DHX57: variants seen among roughly 807,000 people sequenced by gnomAD.
The protein encoded by DHX57 is DExH-box helicase 57, also known as putative ATP-dependent RNA helicase DHX57.
In DHX57, 105 loss-of-function variants were observed where a neutral mutation model predicts 156.2. That is an observed-to-expected ratio of 0.67 (90% CI 0.57 to 0.79). The LOEUF is 0.79. DHX57 is among the 30% of genes least tolerant of loss of function. The probability of loss-of-function intolerance (pLI) is 0.00; values close to 1 mark genes in which losing one functional copy is unlikely to be tolerated. For synonymous variants in DHX57, 704 were observed against 595.6 expected (o/e 1.18, Z -2.65); for missense variants, 1,847 against 1,661.9 (o/e 1.11, Z -1.94).
Position 38,816,357 on chromosome 2 carries a change from G to A in DHX57, c.3472-702C>T, listed in dbSNP as rs1203832714. On this transcript the variant is annotated intron_variant, in intron 19 of 23. Coordinates refer to ENST00000457308, the MANE Select transcript of DHX57 (RefSeq NM_198963.3). ...AACCTCCCGAGTAGCTGGGGCTACAGGTGTGTGCCACCACGCCCAGCCAAT... is the reference window on the plus strand; with the variant it reads ...AACCTCCCGAGTAGCTGGGGCTACAAGTGTGTGCCACCACGCCCAGCCAAT... Among the ~76,000 whole-genome samples the A allele has an allele frequency of 6.6e-5, 10 of 152,212 alleles. No individual in the cohort carries two copies. The East Asian group carries it at 1.9e-3, about 29-fold the overall frequency.
In DHX57 at chr2:38,874,721, T is replaced by G. The variant is rs535816493; in HGVS notation, c.-7+1066A>C. ...ACCGCGCCCGACCTGAAATACTGTA[T>G]TTTCAATCTGTGTTGGGTTGGGAAA... On this transcript the variant is annotated intron_variant, in intron 1 of 23. Transcript: ENST00000457308. 4.6e-5 allele frequency among the ~76,000 whole-genome samples: 7 copies of G among 152,298 alleles called. No individual in the cohort carries two copies. The South Asian group carries it at 1.4e-3, about 32-fold the overall frequency.
intron 3 of DHX57, 65 bp from the exon 4 acceptor site, chr2:38,862,398 C>G: frequency 1.4e-6 from 2 of 1,399,828 alleles, no homozygotes; most frequent in East Asian, 2.4e-5. Context: ...AAAAATTTAG[C>G]AAAGGTCTAA....
At chr2:38,858,584 C>T (rs1673021120) in intron 6 of DHX57, 77 bp downstream of exon 6, 1 of 1,493,776 alleles carries the variant, frequency 6.7e-7, no homozygotes, top group Non-Finnish European at 8.9e-7. Context: ...AGGAGGGTAG[C>T]CAAAGCTCCC....
intron 15 of DHX57, 141 bp from the exon 16 acceptor site, chr2:38,826,188 G>T: frequency 1.1e-6 from 1 of 912,482 alleles, no homozygotes; most frequent in Non-Finnish European, 1.6e-6. Flanking sequence ...TTGAGCCCCT[G>T]GTAGGAGCAG....
chr2:38,838,756 A>G (rs1218603850), intron 12 of DHX57: 2 of 455,658 alleles, frequency 4.4e-6, no homozygotes, highest in East Asian at 7.0e-5. Flanking sequence ...TGAGAAAATG[A>G]TAAGTGGTTG....
intron 1 of DHX57, among the ~76,000 whole-genome samples, chr2:38,872,998 T>C (rs892125891): frequency 6.6e-6 from 1 of 152,126 alleles, no homozygotes; most frequent in African/African-American, 2.4e-5. Flanking sequence ...ATACATTTTT[T>C]TTTTTTTAAG....
intron 9 of DHX57, among the ~76,000 whole-genome samples, chr2:38,852,336 CTTT>C (rs58025139): frequency 4.6e-5 from 6 of 130,388 alleles, no homozygotes; most frequent in South Asian, 2.5e-4. Context: ...GCCACCAATC[CTTT>C]TTTTTTTTTT....
chr2:38,835,941 C>G (rs1671632527), intron 13 of DHX57, among the ~76,000 whole-genome samples: 1 of 152,108 alleles, frequency 6.6e-6, no homozygotes, highest in Admixed American at 6.5e-5. Context: ...AATTCAAGAG[C>G]TAGCCAACAC....
chr2:38,863,289 AG>A (rs1232335952), intron 3 of DHX57, 71 bp downstream of exon 3: 5 of 1,485,644 alleles, frequency 3.4e-6, no homozygotes, highest in Non-Finnish European at 4.5e-6. Context: ...AGCATTCCAA[AG>A]ATGCACAGGA....
chr2:38,811,508 C>A, intron 21 of DHX57: 2 of 894,726 alleles, frequency 2.2e-6, no homozygotes, highest in Admixed American at 1.8e-5. Context: ...TCAGTGCCTT[C>A]TTCCTGGCTT....
In DHX57 at chr2:38,861,339, A is replaced by C; in HGVS notation, c.1071T>G (p.Ile357Met). 1 of 1,613,696 alleles carries C rather than the reference A, an allele frequency of 6.2e-7. No homozygotes were observed. Among genetic ancestry groups the C allele is most frequent in the East Asian group, 2.2e-5 (1 of 44,876 alleles). ...EDASFLYELE[I>M]RFSKDHKYPY... is the part of the protein sequence containing the mutation. ...GATATTTGTGGTCTTTAGAAAATCG[A>C]ATTTCAAGTTCATATAAAAAAGATG... is the stretch of plus-strand genomic sequence containing the variant. The change falls in exon 5 of 24, where the codon ATT becomes ATG. Residue 357 changes from isoleucine (I) to methionine (M), a missense_variant. Ile to Met is a conservative substitution (Grantham distance 10). Coordinates refer to ENST00000457308, the MANE Select transcript of DHX57 (RefSeq NM_198963.3).
intron 2 of DHX57, among the ~76,000 whole-genome samples, chr2:38,864,160 A>T (rs1348943220): frequency 2.6e-5 from 4 of 152,028 alleles, no homozygotes; most frequent in Admixed American, 2.6e-4. Context: ...CTGCATTAAA[A>T]TCTGAAAACC....
chr2:38,854,972 G>A (rs537584466), intron 8 of DHX57, 85 bp downstream of exon 8: 2 of 1,316,236 alleles, frequency 1.5e-6, no homozygotes, highest in African/African-American at 1.5e-5. Flanking sequence ...ATCCCAAATT[G>A]CCCATGAATC....
At chr2:38,811,009 A>T in intron 21 of DHX57, 1 of 741,540 alleles carries the variant, frequency 1.3e-6, no homozygotes, top group Non-Finnish European at 2.4e-6. Context: ...CAGTCTTGAA[A>T]ATGTTGGGGG....
chr2:38,825,054 G>A (rs1003144228), intron 16 of DHX57, among the ~76,000 whole-genome samples: 1 of 151,994 alleles, frequency 6.6e-6, no homozygotes, highest in African/African-American at 2.4e-5. Context: ...CAGAAAAAGA[G>A]TTCTCATTTT....
At chr2:38,806,291 T>G in intron 22 of DHX57, 1 of 379,276 alleles carries the variant, frequency 2.6e-6, no homozygotes, top group South Asian at 5.0e-5. Context: ...AATTAGCTCA[T>G]GACTTCAATT....
intron 17 of DHX57, among the ~76,000 whole-genome samples, chr2:38,821,727 G>C (rs1021389952): frequency 5.5e-4 from 84 of 151,882 alleles, no homozygotes; most frequent in African/African-American, 1.9e-3. Context: ...TTGATTCTCT[G>C]AAAAGACAAA....
At chr2:38,865,940 T>C (rs1289252923) in intron 2 of DHX57, among the ~76,000 whole-genome samples, 3 of 152,148 alleles carry the variant, frequency 2.0e-5, no homozygotes, top group African/African-American at 7.2e-5. Context: ...ACCCAGTCAA[T>C]GCTATTGAGT....
intron 12 of DHX57, 69 bp downstream of exon 12, chr2:38,842,936 G>A (rs995711097): frequency 1.6e-5 from 25 of 1,524,710 alleles, no homozygotes; most frequent in Admixed American, 7.1e-5. Flanking sequence ...TTCTTCTTCC[G>A]AATCTTGGTA....
Sources: gnomAD v4.1 joint callset for allele counts (sites outside exome capture counted in the v4.1 genomes callset) on GRCh38, gnomAD v4.1.1 for gene constraint, MANE v1.5 for transcripts, NCBI Gene and HGNC (gene_info 2026-07-23, HGNC 2026-07-21) for gene names.